The following POU6F2 variants were observed in gnomAD, a reference collection of about 807,000 sequenced individuals.
POU6F2 encodes POU domain, class 6, transcription factor 2.
Under a neutral mutation model 71.3 loss-of-function variants are expected in POU6F2, and 31 were observed. The observed-to-expected ratio is 0.43, with a 90% confidence interval of 0.33 to 0.59. The LOEUF is 0.59. Ranked by LOEUF, POU6F2 falls within the 20% of genes least tolerant of loss-of-function variation. The probability of loss-of-function intolerance (pLI) is 0.04; values close to 1 mark genes in which losing one functional copy is unlikely to be tolerated. For missense variants in POU6F2, 783 were observed against 856.8 expected, an observed-to-expected ratio of 0.91 and a Z score of 1.07; for synonymous variants, 347 against 355.7, an observed-to-expected ratio of 0.98 and a Z score of 0.27.
intron 2 of POU6F2, among the ~76,000 whole-genome samples, chr7:39,142,041 C>T (rs1483373533): frequency 2.0e-5 from 3 of 151,928 alleles, no homozygotes; most frequent in South Asian, 4.2e-4. Context: ...GAGCGGAGAT[C>T]GTGCCACTGT....
chr7:39,219,291 G>A (rs183312438), intron 4 of POU6F2, among the ~76,000 whole-genome samples: 101 of 152,262 alleles, frequency 6.6e-4, no homozygotes, highest in Non-Finnish European at 4.4e-4. Context: ...TTTTAAGAGC[G>A]TCTACATAAA....
At chr7:39,400,673 G>A (rs1400125930) in intron 5 of POU6F2, among the ~76,000 whole-genome samples, 3 of 152,170 alleles carry the variant, frequency 2.0e-5, no homozygotes, top group Non-Finnish European at 4.4e-5. Flanking sequence ...TTCTGGGAAA[G>A]CTGACCAAAA....
chr7:39,036,511 GT>G lies in POU6F2; in HGVS notation c.106-49342del, dbSNP rs912545553. On this transcript the variant is annotated intron_variant, in intron 1 of 9. Transcript: ENST00000518318. ...CAAAATTTAACTTTTAAGGCAGGAT[GT>G]TTTTTTCTTTGCTTTACCAGTGACT... Among the ~76,000 whole-genome samples, 23 of 151,990 alleles carry G rather than the reference GT, an allele frequency of 1.5e-4. No homozygotes were observed. In the South Asian group the frequency reaches 3.7e-3, roughly 25 times the overall value.
At chr7:39,325,964 C>T (rs1486877859) in intron 4 of POU6F2, among the ~76,000 whole-genome samples, 1 of 152,184 alleles carries the variant, frequency 6.6e-6, no homozygotes, top group Non-Finnish European at 1.5e-5. Context: ...CTTATGGGTT[C>T]TCTTCTACCT....
chr7:39,341,096 A>G (rs1785908671), intron 5 of POU6F2, among the ~76,000 whole-genome samples: 1 of 152,208 alleles, frequency 6.6e-6, no homozygotes, highest in Non-Finnish European at 1.5e-5. Context: ...TAGCGATGGT[A>G]TCCTTGGCTC....
At chr7:39,356,540 C>T (rs1786264274) in intron 5 of POU6F2, among the ~76,000 whole-genome samples, 1 of 152,130 alleles carries the variant, frequency 6.6e-6, no homozygotes, top group Admixed American at 6.5e-5. Flanking sequence ...TTTATTATCT[C>T]ATTTGAATTA....
intron 2 of POU6F2, among the ~76,000 whole-genome samples, chr7:39,191,265 A>C (rs1411084924): frequency 1.3e-5 from 2 of 152,240 alleles, no homozygotes; most frequent in Non-Finnish European, 2.9e-5. Context: ...TCCTTGTGGA[A>C]CAAAATATTC....
intron 4 of POU6F2, among the ~76,000 whole-genome samples, chr7:39,233,092 T>G (rs1438623328): frequency 6.6e-6 from 1 of 152,222 alleles, no homozygotes; most frequent in Non-Finnish European, 1.5e-5. Flanking sequence ...ATTTATCAGG[T>G]GTTTTATTAA....
intron 4 of POU6F2, among the ~76,000 whole-genome samples, chr7:39,239,076 T>C (rs1169022991): frequency 1.3e-5 from 2 of 152,152 alleles, no homozygotes; most frequent in East Asian, 1.9e-4. Context: ...TATGTAGACA[T>C]TTTTGAGCTA....
chr7:39,173,761 T>A lies in POU6F2; in HGVS notation c.278-30474T>A, dbSNP rs563032245. 1.5e-4 allele frequency among the ~76,000 whole-genome samples: 23 copies of A among 152,320 alleles called. 1 individual carries two copies. The South Asian group carries it at 4.3e-3, about 29-fold the overall frequency. The stretch of plus-strand genomic sequence containing the variant: ...AGGGCTCCTTTTGGTCCTCCTCTAA[T>A]AGAGGCCTACACTATTTCCTCCTGG... On this transcript the variant is annotated intron_variant, in intron 2 of 9. Coordinates refer to ENST00000518318, the MANE Select transcript of POU6F2 (RefSeq NM_001370959.1).
At chr7:39,006,155 T>A (rs1258791406) in intron 1 of POU6F2, among the ~76,000 whole-genome samples, 1 of 152,016 alleles carries the variant, frequency 6.6e-6, no homozygotes, top group African/African-American at 2.4e-5. Context: ...CATTTTTAAG[T>A]CCCCATTCTA....
At chr7:39,192,978 C>G (rs1198848734) in intron 2 of POU6F2, among the ~76,000 whole-genome samples, 1 of 152,054 alleles carries the variant, frequency 6.6e-6, no homozygotes, top group Non-Finnish European at 1.5e-5. Context: ...GAACTCAAAC[C>G]CAGTGCTTCT....
intron 1 of POU6F2, among the ~76,000 whole-genome samples, chr7:39,069,216 C>T (rs530323354): frequency 9.2e-5 from 14 of 152,186 alleles, no homozygotes; most frequent in South Asian, 8.3e-4. Flanking sequence ...TTAGAAGCAG[C>T]GGTCCCTAAA....
At chr7:39,297,287 C>G (rs1367816660) in intron 4 of POU6F2, among the ~76,000 whole-genome samples, 1 of 151,046 alleles carries the variant, frequency 6.6e-6, no homozygotes, top group Non-Finnish European at 1.5e-5. Context: ...ATTCAGCATT[C>G]CTGTATGAAG....
chr7:39,107,527 G>A (rs906400968), intron 2 of POU6F2, among the ~76,000 whole-genome samples: 3 of 152,198 alleles, frequency 2.0e-5, no homozygotes, highest in East Asian at 1.9e-4. Context: ...TTGTTTATAC[G>A]TGGCAGAATA....
chr7:39,182,776 T>C (rs555139148), intron 2 of POU6F2, among the ~76,000 whole-genome samples: 2 of 152,300 alleles, frequency 1.3e-5, no homozygotes, highest in Admixed American at 6.5e-5. Flanking sequence ...CATTCTGTGG[T>C]TGAAGTATCA....
chr7:39,326,725 A>G (rs1785510494), intron 4 of POU6F2, among the ~76,000 whole-genome samples: 1 of 152,156 alleles, frequency 6.6e-6, no homozygotes. Flanking sequence ...ATAGAACTGC[A>G]TTTTTTTCTT....
At chr7:39,076,862 G>A (rs1791013065) in intron 1 of POU6F2, among the ~76,000 whole-genome samples, 1 of 107,634 alleles carries the variant, frequency 9.3e-6, no homozygotes, top group Non-Finnish European at 1.8e-5. Flanking sequence ...GGTTGCAAAT[G>A]TTGAGATACA....
At chr7:39,048,586 G>A (rs186158434) in intron 1 of POU6F2, among the ~76,000 whole-genome samples, 23 of 151,912 alleles carry the variant, frequency 1.5e-4, no homozygotes, top group African/African-American at 3.6e-4. Context: ...CCAGTCTACC[G>A]TTGATGGGCA....
Sources: gnomAD v4.1 joint callset for allele counts (sites outside exome capture counted in the v4.1 genomes callset) on GRCh38, gnomAD v4.1.1 for gene constraint, MANE v1.5 for transcripts, NCBI Gene and HGNC (gene_info 2026-07-23, HGNC 2026-07-21) for gene names.